The following ZNF407 variants were observed in gnomAD, a reference collection of about 807,000 sequenced individuals.
The protein encoded by ZNF407 is zinc finger protein 407.
A neutral mutation model predicts 131.2 loss-of-function variants in ZNF407; 17 were observed. The observed-to-expected ratio is 0.13, with a 90% CI of 0.09 to 0.19. ZNF407 has a LOEUF of 0.19. ZNF407 is among the 10% of genes least tolerant of loss of function. ZNF407 has a pLI of 1.00. For missense variants in ZNF407, 2,681 were observed against 2,830.6 expected (o/e 0.95, Z 1.20); for synonymous variants, 1,156 against 1,062.0 (o/e 1.09, Z -1.72).
chr18:74,709,180 T>C (rs914249323), intron 3 of ZNF407, among the ~76,000 whole-genome samples: 3 of 152,212 alleles, frequency 2.0e-5, no homozygotes, highest in African/African-American at 7.2e-5. Flanking sequence ...ATTGGCATAA[T>C]TGAATAAATT....
intron 3 of ZNF407, among the ~76,000 whole-genome samples, chr18:74,758,665 A>G (rs965235393): frequency 6.6e-6 from 1 of 152,158 alleles, no homozygotes; most frequent in Admixed American, 6.6e-5. Flanking sequence ...ATCTCGGCTC[A>G]CTGGAACCTC....
intron 8 of ZNF407, among the ~76,000 whole-genome samples, chr18:74,970,654 G>A (rs890313579): frequency 6.6e-6 from 1 of 152,322 alleles, no homozygotes; most frequent in African/African-American, 2.4e-5. Flanking sequence ...CTCTGCCCCT[G>A]CCACTTTGCA....
chr18:74,879,406 C>T (rs1042038713), intron 5 of ZNF407, among the ~76,000 whole-genome samples: 5 of 152,008 alleles, frequency 3.3e-5, no homozygotes, highest in Admixed American at 6.6e-5. Context: ...GCAGCACCCA[C>T]GGACCCGCAA....
chr18:74,638,952 C>T (rs1984588155), intron 2 of ZNF407, among the ~76,000 whole-genome samples: 1 of 151,902 alleles, frequency 6.6e-6, no homozygotes. Context: ...ATTACCTCTG[C>T]TAGTATTTGA....
intron 3 of ZNF407, among the ~76,000 whole-genome samples, chr18:74,685,047 T>A (rs1222811974): frequency 2.6e-5 from 4 of 152,344 alleles, no homozygotes; most frequent in South Asian, 4.1e-4. Flanking sequence ...AACAGTAACT[T>A]TAAAGTTGTC....
chr18:74,623,234 G>A (rs1031646345), intron 1 of ZNF407, among the ~76,000 whole-genome samples: 4 of 151,822 alleles, frequency 2.6e-5, no homozygotes, highest in African/African-American at 9.7e-5. Context: ...GTGAGTGCGG[G>A]TGTTAGTGTG....
Position 74,968,817 on chromosome 18 carries a change from G to C in ZNF407, c.5428+48125G>C, listed in dbSNP as rs536289872. On this transcript the variant is annotated intron_variant, in intron 8 of 8. Coordinates refer to ENST00000299687, the MANE Select transcript of ZNF407 (RefSeq NM_017757.3). ...GCTTCTTGATTGGCAGGTATTTGTC[G>C]TTCACCAAAGTTGGGAGGTTTGCAG... Among the ~76,000 whole-genome samples, 43 of 152,184 alleles carry C rather than the reference G, an allele frequency of 2.8e-4. 1 individual carries two copies. Among genetic ancestry groups the C allele is most frequent in the African/African-American group, 8.7e-4 (36 of 41,522 alleles).
chr18:75,010,693 C>A (rs1424297343), intron 8 of ZNF407, among the ~76,000 whole-genome samples: 3 of 152,152 alleles, frequency 2.0e-5, no homozygotes, highest in Non-Finnish European at 4.4e-5. Flanking sequence ...CCAGAAGGAA[C>A]AACTCCTGCC....
At chr18:75,029,220 G>A (rs75493979) in intron 8 of ZNF407, among the ~76,000 whole-genome samples, 3 of 152,164 alleles carry the variant, frequency 2.0e-5, no homozygotes, top group Admixed American at 1.3e-4. Context: ...ATAAGGTAAA[G>A]TTCAGAAGAT....
intron 8 of ZNF407, among the ~76,000 whole-genome samples, chr18:75,008,596 A>C (rs548990417): frequency 3.3e-5 from 5 of 152,362 alleles, no homozygotes; most frequent in Non-Finnish European, 5.9e-5. Context: ...AGTGAGATTA[A>C]ACATTCTTTC....
intron 3 of ZNF407, 75 bp from the exon 4 acceptor site, chr18:74,781,353 C>A (rs1278562156): frequency 9.6e-7 from 1 of 1,044,168 alleles, no homozygotes; most frequent in East Asian, 2.7e-5. Flanking sequence ...ATATATTATT[C>A]TTAAGTTCTC....
intron 3 of ZNF407, among the ~76,000 whole-genome samples, chr18:74,669,053 C>T (rs981560622): frequency 6.6e-6 from 1 of 152,114 alleles, no homozygotes; most frequent in Non-Finnish European, 1.5e-5. Context: ...TGAGGAGCCC[C>T]GTCATCACTG....
At chr18:74,851,422 G>A (rs1221303280) in intron 4 of ZNF407, among the ~76,000 whole-genome samples, 2 of 152,182 alleles carry the variant, frequency 1.3e-5, no homozygotes, top group Admixed American at 1.3e-4. Flanking sequence ...TTAGAGAAAT[G>A]TCATGAGTGG....
At chr18:75,002,906 G>T (rs900425634) in intron 8 of ZNF407, among the ~76,000 whole-genome samples, 1 of 152,112 alleles carries the variant, frequency 6.6e-6, no homozygotes, top group African/African-American at 2.4e-5. Context: ...ACAAATAAAA[G>T]GTGGTATTGT....
chr18:74,864,446 A>G (rs1970982046), intron 4 of ZNF407, among the ~76,000 whole-genome samples: 1 of 152,126 alleles, frequency 6.6e-6, no homozygotes, highest in Admixed American at 6.5e-5. Flanking sequence ...TATCCCTTGC[A>G]CTTCTGTGGC....
chr18:74,645,183 G>T (rs480849), intron 3 of ZNF407, among the ~76,000 whole-genome samples: 29,345 of 151,926 alleles, frequency 0.19, 3,553 homozygotes, highest in African/African-American at 0.35. Flanking sequence ...GGAGGTAAGG[G>T]TCTAAAAGTA....
chr18:74,750,151 C>A (rs931475245), intron 3 of ZNF407, among the ~76,000 whole-genome samples: 1 of 152,124 alleles, frequency 6.6e-6, no homozygotes, highest in Non-Finnish European at 1.5e-5. Flanking sequence ...TCATGGAAAT[C>A]CTAGTTATCT....
At chr18:74,598,748 G>C (rs552669778) in intron 1 of ZNF407, among the ~76,000 whole-genome samples, 1 of 152,394 alleles carries the variant, frequency 6.6e-6, no homozygotes, top group Admixed American at 6.5e-5. Context: ...GGGTTTCTCA[G>C]TAGATGCTCA....
chr18:74,893,678 C>T (rs569805964), intron 7 of ZNF407, among the ~76,000 whole-genome samples: 2 of 152,104 alleles, frequency 1.3e-5, no homozygotes, highest in Non-Finnish European at 2.9e-5. Flanking sequence ...TATTTGTTCA[C>T]AGCATAAATG....
Sources: allele counts gnomAD v4.1 joint callset (sites outside exome capture counted in the v4.1 genomes callset), GRCh38; gene constraint gnomAD v4.1.1; transcripts MANE v1.5; gene names NCBI Gene and HGNC (gene_info 2026-07-23, HGNC 2026-07-21).